KIF26B: variants seen among roughly 807,000 people sequenced by gnomAD.
KIF26B encodes kinesin-like protein KIF26B.
KIF26B carries 63 observed loss-of-function variants against 151.2 expected under a neutral mutation model. The observed-to-expected ratio is 0.42, with a 90% CI of 0.34 to 0.51. KIF26B has a LOEUF of 0.51. Ranked by LOEUF, KIF26B falls within the 20% of genes least tolerant of loss-of-function variation. The pLI, the probability that KIF26B is intolerant of heterozygous loss-of-function variation, is 0.07. For synonymous variants in KIF26B, 1,357 were observed against 1,262.1 expected (o/e 1.08, Z -1.59); for missense variants, 2,813 against 2,913.6 (o/e 0.97, Z 0.79).
chr1:245,337,164 TTATTTATTTATC>T (rs1672250882), intron 2 of KIF26B, among the ~76,000 whole-genome samples: 2 of 127,274 alleles, frequency 1.6e-5, no homozygotes, highest in South Asian at 4.3e-4. Flanking sequence ...ATTTATTTAT[TTATTTATTTATC>T]TATTTATTTA....
At position 245,563,741 on chromosome 1, in the gene KIF26B, ATGT is replaced by A. The variant is rs10598810; in HGVS notation, c.1350+22796_1350+22798del. Among the ~76,000 whole-genome samples, 11,396 of 131,918 alleles carry A rather than the reference ATGT, an allele frequency of 0.086. 764 individuals carry two copies. Among genetic ancestry groups the A allele is most frequent in the African/African-American group, 0.2 (7,404 of 37,224 alleles). The allele number at this position is 131,918 out of a possible 152,430, so 86.5% of individuals were successfully genotyped here. On this transcript the variant is annotated intron_variant, in intron 5 of 14. Transcript: ENST00000407071. The surrounding 1 kb of genome is among the most constrained non-coding windows in gnomAD (Gnocchi z 4.6). ...TACTACACCTTTTCTATGTTTAGGT[ATGT>A]TGTTTAGATTTAGAATATGTAACGC...
At chr1:245,330,844 G>A (rs536760791) in intron 2 of KIF26B, among the ~76,000 whole-genome samples, 146 of 149,204 alleles carry the variant, frequency 9.8e-4, no homozygotes, top group African/African-American at 3.5e-3. Context: ...TGGGGGTGTC[G>A]GAGGATGTCT....
intron 5 of KIF26B, among the ~76,000 whole-genome samples, chr1:245,576,264 A>G (rs545445212): frequency 5.3e-5 from 8 of 152,352 alleles, no homozygotes; most frequent in African/African-American, 1.9e-4. Flanking sequence ...CAGCGTTCCC[A>G]TTCCACTGGG....
chr1:245,427,815 C>G (rs1311525091), intron 4 of KIF26B, among the ~76,000 whole-genome samples: 1 of 152,198 alleles, frequency 6.6e-6, no homozygotes, highest in East Asian at 1.9e-4. Context: ...TTCTCACATT[C>G]CAGATCTCAG....
intron 4 of KIF26B, among the ~76,000 whole-genome samples, chr1:245,500,958 A>T (rs557691980): frequency 3.9e-5 from 6 of 152,342 alleles, no homozygotes; most frequent in African/African-American, 1.4e-4. Context: ...ATCAAAGAGG[A>T]ATCTTTTCAT....
chr1:245,347,833 G>A (rs1021217650), intron 2 of KIF26B, among the ~76,000 whole-genome samples: 6 of 152,150 alleles, frequency 3.9e-5, no homozygotes, highest in Non-Finnish European at 1.5e-5. Flanking sequence ...ATTATAACAC[G>A]TTCATTCATT....
intron 2 of KIF26B, among the ~76,000 whole-genome samples, chr1:245,282,351 T>C (rs968588100): frequency 1.3e-5 from 2 of 152,232 alleles, no homozygotes; most frequent in East Asian, 1.9e-4. Flanking sequence ...AGTTTTCGTT[T>C]TTTAAAGCAT....
At chr1:245,691,567 TA>T (rs1047123567) in intron 12 of KIF26B, among the ~76,000 whole-genome samples, 1 of 152,192 alleles carries the variant, frequency 6.6e-6, no homozygotes, top group African/African-American at 2.4e-5. Context: ...ATGGTCAGCA[TA>T]AATCAAAAGC....
At chr1:245,535,490 T>C (rs1661470043) in intron 4 of KIF26B, among the ~76,000 whole-genome samples, 1 of 152,226 alleles carries the variant, frequency 6.6e-6, no homozygotes, top group African/African-American at 2.4e-5. Flanking sequence ...CCAGGAGTCA[T>C]TGCAGAATCT....
At chr1:245,544,153 G>T (rs1264455470) in intron 5 of KIF26B, among the ~76,000 whole-genome samples, 2 of 152,104 alleles carry the variant, frequency 1.3e-5, no homozygotes, top group Non-Finnish European at 2.9e-5. Context: ...AGGAACAGCA[G>T]TTCTTTATAC....
chr1:245,288,792 A>AT (rs1017090439), intron 2 of KIF26B, among the ~76,000 whole-genome samples: 6 of 151,770 alleles, frequency 4.0e-5, no homozygotes, highest in East Asian at 1.9e-4. Flanking sequence ...AAAGGTCTTG[A>AT]TTTTTTTTTC....
At chr1:245,160,782 C>T (rs1331258102) in intron 2 of KIF26B, among the ~76,000 whole-genome samples, 2 of 152,014 alleles carry the variant, frequency 1.3e-5, no homozygotes, top group African/African-American at 4.8e-5. Flanking sequence ...CCAGGAATCA[C>T]AGAGATGAAA....
chr1:245,458,465 G>A (rs1022016039), intron 4 of KIF26B, among the ~76,000 whole-genome samples: 3 of 152,142 alleles, frequency 2.0e-5, no homozygotes, highest in Non-Finnish European at 4.4e-5. Flanking sequence ...GGCTCTAGAC[G>A]CACATGGCAG....
intron 2 of KIF26B, among the ~76,000 whole-genome samples, chr1:245,165,777 C>T (rs1231730413): frequency 6.6e-6 from 1 of 152,112 alleles, no homozygotes; most frequent in Admixed American, 6.5e-5. Context: ...GACAAAAGGT[C>T]TGATGCCCTG....
Position 245,703,720 on chromosome 1 carries a change from G to A in KIF26B, c.*1114G>A, listed in dbSNP as rs2044804904. 6.6e-6 allele frequency: 1 copy of A among 152,236 alleles called. No individual in the cohort carries two copies. The highest frequency in any genetic ancestry group is 6.5e-5 in the Admixed American group (1 of 15,282). The allele number at this position is 152,236 out of a possible 1,614,324, so 9.4% of individuals were successfully genotyped here. ...TTAAAGTGGGTTTTTCCCCAGCTGA[G>A]AGACCTTCTCAGGCTTGTTCAGAGA... On this transcript the variant is annotated 3_prime_UTR_variant, in exon 15 of 15. Transcript: ENST00000407071.
chr1:245,508,928 C>T (rs1337042909), intron 4 of KIF26B, among the ~76,000 whole-genome samples: 1 of 152,228 alleles, frequency 6.6e-6, no homozygotes, highest in African/African-American at 2.4e-5. Flanking sequence ...TAAGTCATAA[C>T]TCTCTAGACT....
In KIF26B at chr1:245,407,057, G is replaced by A. The variant is rs371623381; in HGVS notation, c.1000-12522G>A. On this transcript the variant is annotated intron_variant, in intron 3 of 14. Coordinates refer to ENST00000407071, the MANE Select transcript of KIF26B (RefSeq NM_018012.4). ...CCTGCCTTGGCCTCCCAAAGTGCTGGGATGACAGGTGTAAGCCACTGTGCC... is the reference window on the plus strand; with the variant it reads ...CCTGCCTTGGCCTCCCAAAGTGCTGAGATGACAGGTGTAAGCCACTGTGCC... Among the ~76,000 whole-genome samples the A allele has an allele frequency of 5.3e-5, 8 of 152,286 alleles. No individual in the cohort carries two copies. In the South Asian group the frequency reaches 6.2e-4, roughly 12 times the overall value.
At chr1:245,617,803 T>C (rs990911279) in intron 9 of KIF26B, among the ~76,000 whole-genome samples, 1 of 152,194 alleles carries the variant, frequency 6.6e-6, no homozygotes, top group Non-Finnish European at 1.5e-5. Context: ...AGCAGGTAAC[T>C]AGCATCTTAG....
chr1:245,467,526 G>A (rs1434911062), intron 4 of KIF26B, among the ~76,000 whole-genome samples: 1 of 152,176 alleles, frequency 6.6e-6, no homozygotes, highest in Non-Finnish European at 1.5e-5. Context: ...TCCCCTCTCT[G>A]CTGGTAGATG....
Sources: allele counts gnomAD v4.1 joint callset (sites outside exome capture counted in the v4.1 genomes callset), GRCh38; gene constraint gnomAD v4.1.1; non-coding constraint Gnocchi (gnomAD v3.1); transcripts MANE v1.5; gene names NCBI Gene and HGNC (gene_info 2026-07-23, HGNC 2026-07-21).